GPHN: variants seen among roughly 807,000 people sequenced by gnomAD.
GPHN encodes gephyrin.
GPHN carries 17 observed loss-of-function variants against 95.5 expected under a neutral mutation model. The ratio of observed to expected loss-of-function variants is 0.18; its 90% CI spans 0.12 to 0.27. The LOEUF (loss-of-function observed/expected upper bound fraction) is 0.27, where lower values mean the gene tolerates loss of function less well. Among genes scored for constraint, GPHN ranks in the 10% least tolerant of loss-of-function variants. The probability of loss-of-function intolerance (pLI) is 1.00; values close to 1 mark genes in which losing one functional copy is unlikely to be tolerated. For synonymous variants in GPHN, 320 were observed against 322.5 expected (o/e 0.99, Z 0.08); for missense variants, 660 against 978.1 (o/e 0.67, Z 4.34).
chr14:66,533,779 C>T (rs1355587194), intron 1 of GPHN, among the ~76,000 whole-genome samples: 1 of 152,166 alleles, frequency 6.6e-6, no homozygotes, highest in African/African-American at 2.4e-5. Flanking sequence ...ATTGGAATTA[C>T]AGGAGTGAAC....
chr14:66,965,773 A>T (rs1211516038), intron 9 of GPHN, among the ~76,000 whole-genome samples: 4 of 152,296 alleles, frequency 2.6e-5, no homozygotes, highest in East Asian at 3.9e-4. Flanking sequence ...AATTTTTTCA[A>T]ACATTCATCT....
chr14:67,605,864 G>A, the GPHN span, among the ~76,000 whole-genome samples: 734 of 152,004 alleles, frequency 4.8e-3, 36 homozygotes, highest in East Asian at 0.082. Context: ...TATATTTGTA[G>A]TAGAGACGAG....
chr14:67,378,631 G>A, the GPHN span, among the ~76,000 whole-genome samples: 38 of 152,152 alleles, frequency 2.5e-4, no homozygotes, highest in African/African-American at 9.2e-4. Context: ...TGTCTCAACT[G>A]TCATCATCTG....
the GPHN span, among the ~76,000 whole-genome samples, chr14:67,197,547 G>C: frequency 6.7e-6 from 1 of 149,236 alleles, no homozygotes; most frequent in Admixed American, 6.7e-5. Flanking sequence ...TGGTCCCCTT[G>C]GCAGCAGGGA....
At chr14:67,688,984 TC>T in the GPHN span, among the ~76,000 whole-genome samples, 1 of 152,176 alleles carries the variant, frequency 6.6e-6, no homozygotes, top group Admixed American at 6.6e-5. Flanking sequence ...AAACCAGGGT[TC>T]TTTTACTGCA....
rs146914741 is a variant in GPHN, at chr14:66,695,107, C to T, written c.143+13922C>T. Among the ~76,000 whole-genome samples the T allele has an allele frequency of 6.8e-3, 1,025 of 151,698 alleles. 12 individuals carry two copies. The highest frequency in any genetic ancestry group is 0.03 in the Admixed American group (450 of 15,220). On this transcript the variant is annotated intron_variant, in intron 2 of 22. Transcript: ENST00000478722. Reference sequence around the variant, plus strand: ...CCAGGAGGCGGAGGTTTCAGTGAGCCGAGAACATGCCACACTGCACTGCAG... The same window carrying T: ...CCAGGAGGCGGAGGTTTCAGTGAGCTGAGAACATGCCACACTGCACTGCAG...
At chr14:67,460,014 A>C in the GPHN span, among the ~76,000 whole-genome samples, 28 of 152,390 alleles carry the variant, frequency 1.8e-4, no homozygotes, top group East Asian at 7.7e-4. Flanking sequence ...TATTTTAAAA[A>C]GCAAGTATGT....
At chr14:66,908,385 G>T (rs2065490029) in intron 5 of GPHN, among the ~76,000 whole-genome samples, 2 of 151,932 alleles carry the variant, frequency 1.3e-5, no homozygotes, top group Non-Finnish European at 2.9e-5. Flanking sequence ...AACAAAATAA[G>T]CAACAAGCAG....
chr14:67,648,828 CCTTT>C, the GPHN span: 1 of 152,178 alleles, frequency 6.6e-6, no homozygotes, highest in African/African-American at 2.4e-5. Context: ...CTTCAAATGA[CCTTT>C]CATTCCAAAA....
chr14:67,452,944 A>G, the GPHN span, among the ~76,000 whole-genome samples: 1 of 152,152 alleles, frequency 6.6e-6, no homozygotes, highest in Admixed American at 6.5e-5. Flanking sequence ...AACCCTAGCC[A>G]TGCTACCTTC....
Position 66,730,912 on chromosome 14 carries a change from C to T in GPHN, c.144-45552C>T, listed in dbSNP as rs554082493. ...TAATCCCCATGTGTCAAGGGAAGGA[C>T]CTGTAATCTTCATGTGTCAAGGGAT... is the stretch of plus-strand genomic sequence containing the variant. On this transcript the variant is annotated intron_variant, in intron 2 of 22. Transcript: ENST00000478722. Among the ~76,000 whole-genome samples, 4 of 152,244 alleles carry T rather than the reference C, an allele frequency of 2.6e-5. No homozygotes were observed. The East Asian group carries it at 7.7e-4, about 29-fold the overall frequency.
chr14:66,908,259 G>A (rs912205466), intron 5 of GPHN, among the ~76,000 whole-genome samples: 1 of 151,846 alleles, frequency 6.6e-6, no homozygotes, highest in Non-Finnish European at 1.5e-5. Flanking sequence ...GTGCTTAAAA[G>A]TAAGGAAGCA....
chr14:66,659,161 T>A (rs1048157843), intron 1 of GPHN, among the ~76,000 whole-genome samples: 1 of 151,384 alleles, frequency 6.6e-6, no homozygotes, highest in Non-Finnish European at 1.5e-5. Flanking sequence ...GTTTACAGAG[T>A]GTGTGTGTGT....
chr14:67,013,568 T>C (rs1235043711), intron 9 of GPHN, among the ~76,000 whole-genome samples: 1 of 152,076 alleles, frequency 6.6e-6, no homozygotes, highest in East Asian at 1.9e-4. Context: ...GCCTAGTTCT[T>C]ATATATTTCT....
chr14:67,092,778 A>C (rs1056184691), intron 12 of GPHN, among the ~76,000 whole-genome samples: 13 of 152,170 alleles, frequency 8.5e-5, no homozygotes, highest in African/African-American at 2.9e-4. Flanking sequence ...GTGGGAGTGA[A>C]TTTGAAAGAT....
intron 17 of GPHN, among the ~76,000 whole-genome samples, chr14:67,141,292 G>C (rs2080442607): frequency 6.6e-6 from 1 of 152,084 alleles, no homozygotes; most frequent in African/African-American, 2.4e-5. Flanking sequence ...CTTGCCATTT[G>C]GACCTTTCAT....
intron 10 of GPHN, among the ~76,000 whole-genome samples, chr14:67,037,467 A>G (rs1373644667): frequency 6.6e-6 from 1 of 152,084 alleles, no homozygotes; most frequent in East Asian, 1.9e-4. Flanking sequence ...TCAAATTTAA[A>G]TATTTTCTGC....
intron 10 of GPHN, among the ~76,000 whole-genome samples, chr14:67,028,657 A>G (rs970872814): frequency 6.6e-6 from 1 of 152,166 alleles, no homozygotes; most frequent in Non-Finnish European, 1.5e-5. Flanking sequence ...GGCCATAGGT[A>G]TGTCCTCTTT....
At chr14:66,760,215 CATA>C (rs1356198277) in intron 2 of GPHN, among the ~76,000 whole-genome samples, 7 of 152,092 alleles carry the variant, frequency 4.6e-5, no homozygotes, top group Non-Finnish European at 1.0e-4. Context: ...ATGCCTAGCA[CATA>C]ATAAGTTCTC....
Sources: gnomAD v4.1 joint callset for allele counts (sites outside exome capture counted in the v4.1 genomes callset) on GRCh38, gnomAD v4.1.1 for gene constraint, MANE v1.5 for transcripts, NCBI Gene and HGNC (gene_info 2026-07-23, HGNC 2026-07-21) for gene names.